PPP1R12C: variants seen among roughly 807,000 people sequenced by gnomAD.
PPP1R12C encodes leukocyte receptor cluster (LRC) encoded novel gene 3.
A neutral mutation model predicts 95.6 loss-of-function variants in PPP1R12C; 48 were observed. The ratio of observed to expected loss-of-function variants is 0.50; its 90% CI spans 0.40 to 0.64. The LOEUF (loss-of-function observed/expected upper bound fraction) is 0.64, where lower values mean the gene tolerates loss of function less well. Among genes scored for constraint, PPP1R12C ranks in the 30% least tolerant of loss-of-function variants. The probability of loss-of-function intolerance (pLI) is 0.00; values close to 1 mark genes in which losing one functional copy is unlikely to be tolerated. For missense variants in PPP1R12C, 1,057 were observed against 1,083.3 expected (o/e 0.98, Z 0.34); for synonymous variants, 480 against 460.8 (o/e 1.04, Z -0.53).
At chr19:55,113,121 C>T in intron 1 of PPP1R12C, 1 of 516,468 alleles carries the variant, frequency 1.9e-6, no homozygotes, top group South Asian at 3.2e-5. Flanking sequence ...AAACCCCCGT[C>T]ACCACCCACA....
intron 3 of PPP1R12C, 100 bp downstream of exon 3, chr19:55,112,367 A>G: frequency 9.8e-7 from 1 of 1,016,140 alleles, no homozygotes; most frequent in South Asian, 1.6e-5. Flanking sequence ...CCTAGGAAGC[A>G]GGGTCAGCCT....
Position 55,103,472 on chromosome 19 carries a change from T to G in PPP1R12C, c.668A>C (p.His223Pro). Reference sequence around the variant, plus strand: ...CAGGGCAGAGGCGCCTGTGCGGGGGTGCCGGGCCTCTGGCATGGCGCCCCC... The same window carrying G: ...CAGGGCAGAGGCGCCTGTGCGGGGGGGCCGGGCCTCTGGCATGGCGCCCCC... ...LNGGAMPEAR[H>P]PRTGASALHV... Residue 223 changes from histidine to proline, a missense_variant, in exon 4 of 22, where the codon CAC (histidine) becomes CCC (proline). Coordinates refer to ENST00000263433, the MANE Select transcript of PPP1R12C (RefSeq NM_017607.4). 6.3e-7 allele frequency: 1 copy of G among 1,598,304 alleles called. No individual in the cohort carries two copies. Among genetic ancestry groups the G allele is most frequent in the South Asian group, 1.1e-5 (1 of 89,972 alleles).
intron 3 of PPP1R12C, chr19:55,112,165 G>A (rs1012508291): frequency 4.4e-6 from 1 of 229,600 alleles, no homozygotes. Context: ...CGCACTCCTG[G>A]GTGAGTCCCT....
chr19:55,092,114 G>T, intron 19 of PPP1R12C, 108 bp downstream of exon 19: 1 of 1,169,592 alleles, frequency 8.5e-7, no homozygotes, highest in Non-Finnish European at 1.2e-6. Flanking sequence ...CCCCTCAAGT[G>T]AAGCCCAGCC....
At chr19:55,105,123 T>C (rs904995139) in intron 3 of PPP1R12C, among the ~76,000 whole-genome samples, 1 of 151,310 alleles carries the variant, frequency 6.6e-6, no homozygotes, top group African/African-American at 2.4e-5. Context: ...TGGAGTACAG[T>C]GGTGCAATTA....
rs541358509 is a variant in PPP1R12C at position 55,111,014 on chromosome 19, G to A, written c.571+1453C>T. On this transcript the variant is annotated intron_variant, in intron 3 of 21. Transcript: ENST00000263433. ...ACCTGGGAAGAGATCGCAAGGGAGGGACAGAGAGAAGGAACACAAATCTAT... is the reference window on the plus strand; with the variant it reads ...ACCTGGGAAGAGATCGCAAGGGAGGAACAGAGAGAAGGAACACAAATCTAT... 3.5e-4 allele frequency among the ~76,000 whole-genome samples: 54 copies of A among 152,118 alleles called. 1 individual carries two copies. Among genetic ancestry groups the A allele is most frequent in the African/African-American group, 1.2e-3 (51 of 41,490 alleles).
Position 55,113,037 on chromosome 19 carries a change from G to C in PPP1R12C, c.322-242C>G. On this transcript the variant is annotated intron_variant, in intron 1 of 21. Coordinates refer to ENST00000263433, the MANE Select transcript of PPP1R12C (RefSeq NM_017607.4). ...AAGGACTCCTGGCTATCTGCAAACAGGAAGTGAACGGGGAAGGGAGGGGGC... is the reference window on the plus strand; with the variant it reads ...AAGGACTCCTGGCTATCTGCAAACACGAAGTGAACGGGGAAGGGAGGGGGC... 6.8e-6 allele frequency: 4 copies of C among 586,970 alleles called. No homozygotes were observed. The Admixed American group carries it at 1.2e-4, about 18-fold the overall frequency. 36.4% of individuals were successfully genotyped at this position (586,970 alleles called of 1,614,324 possible).
chr19:55,099,549 T>A (rs887537442), intron 4 of PPP1R12C, among the ~76,000 whole-genome samples: 1 of 152,180 alleles, frequency 6.6e-6, no homozygotes, highest in Non-Finnish European at 1.5e-5. Context: ...ACCAGGGCAA[T>A]GCTGTCCCCC....
At chr19:55,102,676 C>T (rs2084991542) in intron 4 of PPP1R12C, among the ~76,000 whole-genome samples, 3 of 152,164 alleles carry the variant, frequency 2.0e-5, no homozygotes, top group African/African-American at 7.2e-5. Flanking sequence ...GGTGAAATAT[C>T]ACTAAAGATA....
chr19:55,095,761 A>G, intron 9 of PPP1R12C, 106 bp downstream of exon 9: 1 of 1,520,918 alleles, frequency 6.6e-7, no homozygotes, highest in Non-Finnish European at 9.1e-7. Context: ...GACTCTGGGA[A>G]CTATAGTCTT....
At chr19:55,100,154 C>G (rs768653294) in intron 4 of PPP1R12C, among the ~76,000 whole-genome samples, 3 of 151,662 alleles carry the variant, frequency 2.0e-5, no homozygotes, top group Non-Finnish European at 2.9e-5. Context: ...TCACGCTGAG[C>G]CCCTTTTTGG....
intron 6 of PPP1R12C, among the ~76,000 whole-genome samples, chr19:55,097,226 T>A (rs1422157730): frequency 2.8e-5 from 2 of 72,212 alleles, no homozygotes; most frequent in African/African-American, 1.1e-4. Flanking sequence ...CTTCACACCT[T>A]CCCCGCGCAG....
intron 19 of PPP1R12C, 29 bp from the exon 20 acceptor site, chr19:55,091,938 C>G: frequency 6.2e-7 from 1 of 1,612,372 alleles, no homozygotes; most frequent in Non-Finnish European, 8.5e-7. Flanking sequence ...GCACAGGGGT[C>G]AGCAGAAGAA....
At chr19:55,113,544 C>T (rs374688630) in intron 1 of PPP1R12C, 2 of 1,359,880 alleles carry the variant, frequency 1.5e-6, no homozygotes, top group Non-Finnish European at 1.9e-6. Context: ...TCCAGGGGGT[C>T]GGAGGAGGGA....
Position 55,117,545 on chromosome 19 carries a change from G to A in PPP1R12C, c.-2C>T. 3.0e-6 allele frequency: 3 copies of A among 998,050 alleles called. No homozygotes were observed. The highest frequency in any genetic ancestry group is 3.6e-6 in the Non-Finnish European group (3 of 840,628). 61.8% of individuals were successfully genotyped at this position (998,050 alleles called of 1,614,324 possible). On this transcript the variant is annotated 5_prime_UTR_variant, in exon 1 of 22. Coordinates refer to ENST00000263433, the MANE Select transcript of PPP1R12C (RefSeq NM_017607.4). ...CGCCGGGCCATCCTCTCCGGACATC[G>A]CACCGCCCGCCCGCCCAGCGAGCGA... is the stretch of plus-strand genomic sequence containing the variant.
At chr19:55,112,170 G>A (rs1461602037) in intron 3 of PPP1R12C, 1 of 202,622 alleles carries the variant, frequency 4.9e-6, no homozygotes, top group Non-Finnish European at 1.0e-5. Context: ...TCCTGGGTGA[G>A]TCCCTCCACC....
Position 55,092,775 on chromosome 19 carries a change from C to G in PPP1R12C, c.1911+8G>C, listed in dbSNP as rs2084861392. On this transcript the variant is annotated splice_region_variant and intron_variant, in intron 16 of 21. Coordinates refer to ENST00000263433, the MANE Select transcript of PPP1R12C (RefSeq NM_017607.4). Reference sequence around the variant, plus strand: ...CTGCACCAGCTCGGCCCCACCTGAGCCCCTCACCTCCGCAGGCCCCCTCCA... The same window carrying G: ...CTGCACCAGCTCGGCCCCACCTGAGGCCCTCACCTCCGCAGGCCCCCTCCA... 1 of 1,551,088 alleles carries G rather than the reference C, an allele frequency of 6.4e-7. No homozygotes were observed. Among genetic ancestry groups the G allele is most frequent in the South Asian group, 1.2e-5 (1 of 84,016 alleles).
In PPP1R12C at chr19:55,117,496, C is replaced by T; in HGVS notation, c.48G>A (p.Ala16=). Residue 16 remains alanine, a synonymous_variant, in exon 1 of 22, where the codon GCG becomes GCA. Transcript: ENST00000263433. ...GPAAGPGAAA[A]AARERRREQL... Reference sequence around the variant, plus strand: ...GCTCCCGTCGCCGCTCCCGGGCAGCCGCCGCCGCCGCCCCCGGGCCAGCCG... The same window carrying T: ...GCTCCCGTCGCCGCTCCCGGGCAGCTGCCGCCGCCGCCCCCGGGCCAGCCG... 4 of 1,019,190 alleles carry T rather than the reference C, an allele frequency of 3.9e-6. No individual in the cohort carries two copies. Among genetic ancestry groups the T allele is most frequent in the Non-Finnish European group, 3.5e-6 (3 of 852,170 alleles). The allele number at this position is 1,019,190 out of a possible 1,614,324, so 63.1% of individuals were successfully genotyped here. A position where few individuals can be genotyped will look rare whatever the true frequency, so the allele number is the denominator to read the frequency against.
chr19:55,095,646 CT>C lies in PPP1R12C; in HGVS notation c.1228-44del, dbSNP rs1262338481. 4.0e-6 allele frequency: 6 copies of C among 1,512,748 alleles called. No homozygotes were observed. In the African/African-American group the frequency reaches 8.3e-5, roughly 21 times the overall value. The allele number at this position is 1,512,748 out of a possible 1,614,324, so 93.7% of individuals were successfully genotyped here. The stretch of plus-strand genomic sequence containing the variant: ...TCTCAGTTAGAGAGAAAGGATCCCT[CT>C]TCTCAGACCTCAAGGGTTAGCCCCC... On this transcript the variant is annotated intron_variant, in intron 9 of 21. Transcript: ENST00000263433.
Sources: allele counts gnomAD v4.1 joint callset (sites outside exome capture counted in the v4.1 genomes callset), GRCh38; gene constraint gnomAD v4.1.1; transcripts MANE v1.5; gene names NCBI Gene and HGNC (gene_info 2026-07-23, HGNC 2026-07-21).